Variants in TSC2 observed in about 807,000 individuals in gnomAD.
TSC2 encodes TSC complex subunit 2, also known as tuberin.
TSC2 carries 29 observed loss-of-function variants against 202.2 expected under a neutral mutation model. That is an observed-to-expected ratio of 0.14 (90% CI 0.11 to 0.20). The LOEUF is 0.20. Ranked by LOEUF, TSC2 falls within the 10% of genes least tolerant of loss-of-function variation. The pLI is 1.00. For missense variants in TSC2, 2,429 were observed against 2,420.0 expected, an observed-to-expected ratio of 1.00 and a Z score of -0.08; for synonymous variants, 1,349 against 1,044.0, an observed-to-expected ratio of 1.29 and a Z score of -5.63.
Position 2,070,748 on chromosome 16 carries a change from C to T in TSC2, c.1839+170C>T, listed in dbSNP as rs563638776. 3.3e-5 allele frequency among the ~76,000 whole-genome samples: 5 copies of T among 152,378 alleles called. No individual in the cohort carries two copies. In the East Asian group the frequency reaches 5.8e-4, roughly 18 times the overall value. On this transcript the variant is annotated intron_variant, in intron 17 of 41. Coordinates refer to ENST00000219476, the MANE Select transcript of TSC2 (RefSeq NM_000548.5). ...CAGCCTCCCCAGTCCTGGTGTCCTT[C>T]CCTCTGCCTGCAGTCCACACATCTG...
At chr16:2,086,101 C>A (rs1208316718) in intron 36 of TSC2, 92 bp from the exon 37 acceptor site, 3 of 1,469,978 alleles carry the variant, frequency 2.0e-6, no homozygotes, top group Non-Finnish European at 2.8e-6. Flanking sequence ...CAGAGTGGGG[C>A]TCCCGGCAGA....
rs746588726 is a variant in TSC2, at chr16:2,081,718, G to A, written c.3734G>A (p.Arg1245Gln). 5.0e-6 allele frequency: 8 copies of A among 1,612,856 alleles called. No homozygotes were observed. The highest frequency in any genetic ancestry group is 1.6e-4 in the Middle Eastern group (1 of 6,080). Residue 1245 changes from arginine to glutamine, a missense_variant, in exon 31 of 42, where the codon CGG becomes CAG. By Grantham distance (43) the Arg-to-Gln change is conservative (BLOSUM62 1). Coordinates refer to ENST00000219476, the MANE Select transcript of TSC2 (RefSeq NM_000548.5). ...LMAAERFKEH[R>Q]DTALYKSLSV... Reference sequence around the variant, plus strand: ...GCGGCTGAGCGCTTCAAGGAGCACCGGGACACAGCCCTGTACAAGTCACTG... The same window carrying A: ...GCGGCTGAGCGCTTCAAGGAGCACCAGGACACAGCCCTGTACAAGTCACTG...
chr16:2,060,543 C>T (rs1237674834), intron 10 of TSC2, 127 bp from the exon 11 acceptor site: 8 of 1,521,986 alleles, frequency 5.3e-6, no homozygotes, highest in African/African-American at 1.4e-5. Flanking sequence ...TTCTGCGGCC[C>T]CTGATAAACG....
At chr16:2,049,236 C>A (rs1470905636) in intron 2 of TSC2, among the ~76,000 whole-genome samples, 4 of 152,002 alleles carry the variant, frequency 2.6e-5, no homozygotes, top group African/African-American at 9.7e-5. Context: ...CAGACACGTG[C>A]CACCACACCC....
chr16:2,077,193 T>G (rs1318839665), intron 25 of TSC2, among the ~76,000 whole-genome samples: 1 of 152,194 alleles, frequency 6.6e-6, no homozygotes, highest in Non-Finnish European at 1.5e-5. Context: ...CCTAGTGACC[T>G]TCAGGGCCTG....
chr16:2,087,013 G>C, intron 38 of TSC2, 142 bp downstream of exon 38: 1 of 1,288,082 alleles, frequency 7.8e-7, no homozygotes, highest in Non-Finnish European at 1.1e-6. Flanking sequence ...CCGTGGGCAC[G>C]AGCTTCACCC....
chr16:2,088,878 C>T lies in TSC2; in HGVS notation c.*268C>T, dbSNP rs915509688. The T allele has an allele frequency of 2.7e-5, 13 of 482,686 alleles. No homozygotes were observed. Among genetic ancestry groups the T allele is most frequent in the Admixed American group, 7.4e-5 (2 of 27,150 alleles). 29.9% of individuals were successfully genotyped at this position (482,686 alleles called of 1,614,324 possible). On this transcript the variant is annotated 3_prime_UTR_variant, in exon 42 of 42. Transcript: ENST00000219476. ...CATACAGCACACTCGCGCGTGCGCGCGCGCACACACACACACACACAGTCA... is the reference window on the plus strand; with the variant it reads ...CATACAGCACACTCGCGCGTGCGCGTGCGCACACACACACACACACAGTCA...
Position 2,079,898 on chromosome 16 carries a change from G to C in TSC2, c.3397+229G>C, listed in dbSNP as rs2089913274. Among the ~76,000 whole-genome samples, 1 of 152,228 alleles carries C rather than the reference G, an allele frequency of 6.6e-6. No individual in the cohort carries two copies. The highest frequency in any genetic ancestry group is 2.1e-4 in the South Asian group (1 of 4,834). ...CCTGCTCTGGGTGCTGGTGTTTCCT[G>C]CGGGTTTTCAGCTCGGCTCAGTCCT... On this transcript the variant is annotated intron_variant, in intron 29 of 41. Transcript: ENST00000219476. This position sits in a 1 kb window ranked among gnomAD's most constrained non-coding sequence, Gnocchi z 4.6.
Position 2,062,014 on chromosome 16 carries a change from AC to A in TSC2, c.1257+11del. ...GATGTGCGGACCAGAGGCCTGTGAG[AC>A]CCCCTCCTGGGTGGGGCCTTTGGGC... On this transcript the variant is annotated splice_region_variant and intron_variant, in intron 12 of 41. Transcript: ENST00000219476. 1 of 1,613,664 alleles carries A rather than the reference AC, an allele frequency of 6.2e-7. No individual in the cohort carries two copies. Among genetic ancestry groups the A allele is most frequent in the Non-Finnish European group, 8.5e-7 (1 of 1,179,932 alleles).
rs1451984309 is a variant in TSC2, at chr16:2,076,307, G to C, written c.2742+137G>C. 1.9e-6 allele frequency: 3 copies of C among 1,560,940 alleles called. No individual in the cohort carries two copies. The African/African-American group carries it at 4.1e-5, about 21-fold the overall frequency. ...GTTTGGGGCTGTGCCTGTGGCGCTG[G>C]GGGCTCTGCTGGGCAGCCTGCAGGG... On this transcript the variant is annotated intron_variant, in intron 24 of 41. Transcript: ENST00000219476.
chr16:2,080,429 G>A (rs1044453810), intron 30 of TSC2, 52 bp downstream of exon 30: 2 of 1,596,254 alleles, frequency 1.3e-6, no homozygotes, highest in Non-Finnish European at 8.6e-7. Context: ...CACCCACAGA[G>A]CTGTGGACAC....
At position 2,048,028 on chromosome 16, in the gene TSC2, G is replaced by C; in HGVS notation, c.-67G>C. 6.9e-7 allele frequency: 1 copy of C among 1,441,078 alleles called. No homozygotes were observed. Among genetic ancestry groups the C allele is most frequent in the South Asian group, 1.5e-5 (1 of 68,918 alleles). 89.3% of individuals were successfully genotyped at this position (1,441,078 alleles called of 1,614,324 possible). A position where few individuals can be genotyped will look rare whatever the true frequency, so the allele number is the denominator to read the frequency against. ...GGGCCAGGGGGGTGCGCCTTTCTCC[G>C]CGTCGGGGCGGCCCGGAGCGCGGTG... is the stretch of plus-strand genomic sequence containing the variant. On this transcript the variant is annotated 5_prime_UTR_variant, in exon 1 of 42. Transcript: ENST00000219476.
At chr16:2,059,792 T>C (rs958716608) in intron 10 of TSC2, among the ~76,000 whole-genome samples, 2 of 152,092 alleles carry the variant, frequency 1.3e-5, no homozygotes, top group Non-Finnish European at 2.9e-5. Context: ...GTGCTGGAAT[T>C]ATAGGTATGA....
intron 10 of TSC2, among the ~76,000 whole-genome samples, chr16:2,059,803 G>A (rs1164694402): frequency 6.6e-6 from 1 of 152,120 alleles, no homozygotes; most frequent in Non-Finnish European, 1.5e-5. Context: ...ATAGGTATGA[G>A]TCACCGTGCC....
At position 2,088,766 on chromosome 16, in the gene TSC2, G is replaced by T. The variant is rs1368565623; in HGVS notation, c.*156G>T. The T allele has an allele frequency of 1.9e-6, 2 of 1,080,104 alleles. No homozygotes were observed. Among genetic ancestry groups the T allele is most frequent in the Non-Finnish European group, 1.3e-6 (1 of 765,742 alleles). 66.9% of individuals were successfully genotyped at this position (1,080,104 alleles called of 1,614,324 possible). ...TGCTTGGTGCGGGGGTTGGGGGGGT[G>T]TCGAGGCTCTAGAAGCGGCCATGCC... is the stretch of plus-strand genomic sequence containing the variant. On this transcript the variant is annotated 3_prime_UTR_variant, in exon 42 of 42. Coordinates refer to ENST00000219476, the MANE Select transcript of TSC2 (RefSeq NM_000548.5).
chr16:2,059,583 G>A (rs558212353), intron 10 of TSC2, among the ~76,000 whole-genome samples: 6 of 145,454 alleles, frequency 4.1e-5, no homozygotes, highest in African/African-American at 1.3e-4. Context: ...GCAATGGCGC[G>A]ATCTTGGCTC....
chr16:2,082,897 C>T, intron 32 of TSC2: 2 of 388,580 alleles, frequency 5.1e-6, no homozygotes, highest in Admixed American at 3.6e-5. Context: ...CTCCCCTGGC[C>T]TCTGGAACCC....
chr16:2,062,016 C>A lies in TSC2; in HGVS notation c.1257+8C>A, dbSNP rs767392684. 62 of 1,613,872 alleles carry A rather than the reference C, an allele frequency of 3.8e-5. No individual in the cohort carries two copies. Among genetic ancestry groups the A allele is most frequent in the Non-Finnish European group, 4.8e-5 (57 of 1,180,008 alleles). On this transcript the variant is annotated splice_region_variant and intron_variant, in intron 12 of 41. Coordinates refer to ENST00000219476, the MANE Select transcript of TSC2 (RefSeq NM_000548.5). Reference sequence around the variant, plus strand: ...TGTGCGGACCAGAGGCCTGTGAGACCCCCTCCTGGGTGGGGCCTTTGGGCT... The same window carrying A: ...TGTGCGGACCAGAGGCCTGTGAGACACCCTCCTGGGTGGGGCCTTTGGGCT...
rs1013995962 is a variant in TSC2 at position 2,050,470 on chromosome 16, C to T, written c.209C>T (p.Thr70Ile). 6.2e-7 allele frequency: 1 copy of T among 1,613,704 alleles called. No homozygotes were observed. The highest frequency in any genetic ancestry group is 8.5e-7 in the Non-Finnish European group (1 of 1,179,868). ...GGGCAGATTTGTGAAGTCGCAAAAA[C>T]CAAGAAATTTGAAGAGGTAGGTTTA... is the stretch of plus-strand genomic sequence containing the variant. ...MIGQICEVAK[T>I]KKFEEHAVEA... The change falls in exon 3 of 42, where the codon ACC (threonine) becomes ATC (isoleucine). Residue 70 changes from threonine (T) to isoleucine (I), a missense_variant. By Grantham distance (89) the Thr-to-Ile change is moderately conservative (BLOSUM62 -1). Transcript: ENST00000219476.
Sources: allele counts gnomAD v4.1 joint callset (sites outside exome capture counted in the v4.1 genomes callset), GRCh38; gene constraint gnomAD v4.1.1; non-coding constraint Gnocchi (gnomAD v3.1); transcripts MANE v1.5; gene names NCBI Gene and HGNC (gene_info 2026-07-23, HGNC 2026-07-21).